ITGAV: variants seen among roughly 807,000 people sequenced by gnomAD.
ITGAV encodes integrin alpha-V.
Under a neutral mutation model 143.8 loss-of-function variants are expected in ITGAV, and 76 were observed. The observed-to-expected ratio is 0.53, with a 90% CI of 0.44 to 0.64. ITGAV has a LOEUF of 0.64. Among genes scored for constraint, ITGAV ranks in the 30% least tolerant of loss-of-function variants. ITGAV has a pLI of 0.00. For missense variants in ITGAV, 1,193 were observed against 1,274.7 expected, an observed-to-expected ratio of 0.94 and a Z score of 0.98; for synonymous variants, 453 against 446.7, an observed-to-expected ratio of 1.01 and a Z score of -0.18.
chr2:186,607,086 T>C (rs975215125), intron 2 of ITGAV, among the ~76,000 whole-genome samples: 1 of 152,146 alleles, frequency 6.6e-6, no homozygotes, highest in African/African-American at 2.4e-5. Context: ...GCCTCTGTCA[T>C]TTTTTCTAAC....
At chr2:186,593,530 A>C (rs73979318) in intron 1 of ITGAV, among the ~76,000 whole-genome samples, 3,586 of 152,200 alleles carry the variant, frequency 0.024, 149 homozygotes, top group African/African-American at 0.082. Context: ...GATTGTATGC[A>C]GGCTAATAAT....
chr2:186,630,759 T>G (rs897522696), intron 4 of ITGAV, 38 bp from the exon 5 acceptor site: 2 of 1,118,750 alleles, frequency 1.8e-6, no homozygotes, highest in Non-Finnish European at 1.4e-6. Context: ...TGTTGTTTGT[T>G]TTTGGGTTTG....
intron 18 of ITGAV, 29 bp from the exon 19 acceptor site, chr2:186,663,739 A>G: frequency 6.5e-7 from 1 of 1,536,142 alleles, no homozygotes; most frequent in Non-Finnish European, 9.0e-7. Context: ...GGTATTTTTC[A>G]TGTAGAAAAA....
intron 2 of ITGAV, among the ~76,000 whole-genome samples, chr2:186,615,361 C>G (rs1687323461): frequency 6.6e-6 from 1 of 151,838 alleles, no homozygotes; most frequent in East Asian, 1.9e-4. Flanking sequence ...CTATATTTAC[C>G]TTTTTTAAAA....
chr2:186,632,243 A>C lies in ITGAV; in HGVS notation c.586-1086A>C, dbSNP rs141732624. Among the ~76,000 whole-genome samples the C allele has an allele frequency of 1.2e-3, 176 of 152,234 alleles. 1 individual carries two copies. The highest frequency in any genetic ancestry group is 4.2e-3 in the African/African-American group (174 of 41,552). ...TTTAAACTTGTATGATACATTTCCA[A>C]ATAGGTATTATATATTTTTAAAATA... On this transcript the variant is annotated intron_variant, in intron 5 of 29. Coordinates refer to ENST00000261023, the MANE Select transcript of ITGAV (RefSeq NM_002210.5).
At chr2:186,655,327 G>A (rs539893708) in intron 16 of ITGAV, among the ~76,000 whole-genome samples, 1 of 152,206 alleles carries the variant, frequency 6.6e-6, no homozygotes, top group Non-Finnish European at 1.5e-5. Flanking sequence ...GTGTTTGTGT[G>A]TGAAAGTTTA....
intron 2 of ITGAV, among the ~76,000 whole-genome samples, chr2:186,606,812 G>A (rs1177391898): frequency 1.3e-5 from 2 of 151,846 alleles, no homozygotes; most frequent in Admixed American, 6.6e-5. Context: ...TTGTGGCACC[G>A]ACCCAACCCA....
At chr2:186,674,752 T>TA (rs1278147908) in intron 26 of ITGAV, among the ~76,000 whole-genome samples, 1 of 152,118 alleles carries the variant, frequency 6.6e-6, no homozygotes, top group African/African-American at 2.4e-5. Context: ...CCTCAAGCGA[T>TA]ACGCCTGCCT....
At position 186,636,104 on chromosome 2, in the gene ITGAV, G is replaced by C; in HGVS notation, c.654G>C (p.Val218=). 1 of 1,612,838 alleles carries C rather than the reference G, an allele frequency of 6.2e-7. No homozygotes were observed. Among genetic ancestry groups the C allele is most frequent in the Non-Finnish European group, 8.5e-7 (1 of 1,179,472 alleles). The change falls in exon 7 of 30, where the codon GTG becomes GTC. Residue 218 remains valine, a synonymous_variant. Transcript: ENST00000261023. ...YWQGQLISDQ[V]AEIVSKYDPN... is the part of the protein sequence containing the mutation. ...TAGGTCAGCTTATTTCGGATCAAGTGGCAGAAATCGTATCTAAATACGACC... is the reference window on the plus strand; with the variant it reads ...TAGGTCAGCTTATTTCGGATCAAGTCGCAGAAATCGTATCTAAATACGACC...
In ITGAV at chr2:186,675,861, T is replaced by C. The variant is rs1235381614; in HGVS notation, c.2862T>C (p.Ala954=). ...ATTCCTATTCTCTGAAGTCGTCTGC[T>C]TCATTTAATGTCATAGAGTTTCCTT... ...QNHSYSLKSS[A]SFNVIEFPYK... The change falls in exon 28 of 30, where the codon GCT becomes GCC. Residue 954 remains alanine, a synonymous_variant. Transcript: ENST00000261023. 1 of 1,609,788 alleles carries C rather than the reference T, an allele frequency of 6.2e-7. No individual in the cohort carries two copies. Among genetic ancestry groups the C allele is most frequent in the East Asian group, 2.2e-5 (1 of 44,830 alleles).
chr2:186,674,589 G>A (rs1387233249), intron 26 of ITGAV, among the ~76,000 whole-genome samples: 1 of 151,726 alleles, frequency 6.6e-6, no homozygotes, highest in African/African-American at 2.4e-5. Flanking sequence ...TTGGCTTACT[G>A]CAACTTCTGC....
At chr2:186,591,658 CTG>C (rs1357516085) in intron 1 of ITGAV, among the ~76,000 whole-genome samples, 1 of 152,166 alleles carries the variant, frequency 6.6e-6, no homozygotes, top group Non-Finnish European at 1.5e-5. Context: ...TTTTCTATGA[CTG>C]TTAGGACACT....
In ITGAV at chr2:186,656,308, G is replaced by C. The variant is rs201056056; in HGVS notation, c.1626G>C (p.Leu542=). 6.3e-7 allele frequency: 1 copy of C among 1,587,262 alleles called. No individual in the cohort carries two copies. The highest frequency in any genetic ancestry group is 1.4e-5 in the African/African-American group (1 of 73,032). The change falls in exon 17 of 30, where the codon CTG becomes CTC. Residue 542 remains leucine (L), a synonymous_variant. Transcript: ENST00000261023. ...AAAAGGGAGCAATTCGACGAGCACT[G>C]TTTCTCTACAGCAGGTCCCCAAGTC... is the stretch of plus-strand genomic sequence containing the variant. The part of the protein sequence containing the change: ...LKQKGAIRRA[L]FLYSRSPSHS...
At chr2:186,617,991 G>T (rs1290414680) in intron 2 of ITGAV, among the ~76,000 whole-genome samples, 2 of 152,156 alleles carry the variant, frequency 1.3e-5, no homozygotes, top group African/African-American at 4.8e-5. Context: ...TGACTTCAGG[G>T]CTGTGATTCA....
At chr2:186,650,027 G>A (rs2105724182) in intron 14 of ITGAV, 142 bp downstream of exon 14, 1 of 558,268 alleles carries the variant, frequency 1.8e-6, no homozygotes, top group South Asian at 2.8e-5. Flanking sequence ...ATTTGCTATG[G>A]GCAAATAGTA....
At chr2:186,636,942 G>A (rs1687960805) in intron 7 of ITGAV, 123 bp from the exon 8 acceptor site, 4 of 749,024 alleles carry the variant, frequency 5.3e-6, no homozygotes, top group Non-Finnish European at 7.0e-6. Context: ...TTATGACTAG[G>A]GGACAAAATA....
intron 2 of ITGAV, among the ~76,000 whole-genome samples, chr2:186,609,966 A>C (rs1442135802): frequency 6.6e-6 from 1 of 152,130 alleles, no homozygotes; most frequent in East Asian, 1.9e-4. Context: ...ATCTTAATGC[A>C]TATAGAGTAT....
chr2:186,604,273 C>G (rs1686996219), intron 2 of ITGAV, among the ~76,000 whole-genome samples: 1 of 151,862 alleles, frequency 6.6e-6, no homozygotes, highest in Non-Finnish European at 1.5e-5. Flanking sequence ...AATCTGATGC[C>G]TCCCTGCACC....
intron 12 of ITGAV, among the ~76,000 whole-genome samples, chr2:186,644,735 C>T (rs1430855261): frequency 6.6e-6 from 1 of 151,888 alleles, no homozygotes; most frequent in East Asian, 1.9e-4. Flanking sequence ...GCCAGGCACT[C>T]TTCTAGGTGG....
Sources: allele counts gnomAD v4.1 joint callset (sites outside exome capture counted in the v4.1 genomes callset), GRCh38; gene constraint gnomAD v4.1.1; transcripts MANE v1.5; gene names NCBI Gene and HGNC (gene_info 2026-07-23, HGNC 2026-07-21).